ZFYVE9: variants seen among roughly 807,000 people sequenced by gnomAD.
The protein encoded by ZFYVE9 is zinc finger FYVE-type containing 9.
In ZFYVE9, 43 loss-of-function variants were observed where a neutral mutation model predicts 126.7. The ratio of observed to expected loss-of-function variants is 0.34; its 90% CI spans 0.27 to 0.44. The LOEUF (loss-of-function observed/expected upper bound fraction) is 0.44. ZFYVE9 is among the 20% of genes least tolerant of loss of function. The probability of loss-of-function intolerance (pLI) is 1.00; values close to 1 mark genes in which losing one functional copy is unlikely to be tolerated. For synonymous variants in ZFYVE9, 521 were observed against 597.4 expected (o/e 0.87, Z 1.87); for missense variants, 1,476 against 1,697.0 (o/e 0.87, Z 2.29).
At chr1:52,203,326 C>G (rs1241027769) in intron 1 of ZFYVE9, among the ~76,000 whole-genome samples, 2 of 151,956 alleles carry the variant, frequency 1.3e-5, no homozygotes, top group Non-Finnish European at 2.9e-5. Context: ...GGATTACAGG[C>G]TTGCGCCACT....
chr1:52,252,148 C>T (rs181086358), intron 4 of ZFYVE9: 74 of 159,188 alleles, frequency 4.6e-4, no homozygotes, highest in South Asian at 2.7e-3. Context: ...GATTTAAGAG[C>T]ATCATTTGTC....
At chr1:52,190,590 A>G (rs1001396978) in intron 1 of ZFYVE9, among the ~76,000 whole-genome samples, 3 of 152,214 alleles carry the variant, frequency 2.0e-5, no homozygotes, top group South Asian at 2.1e-4. Flanking sequence ...AGTTTCATCA[A>G]TAGTAGATTG....
intron 4 of ZFYVE9, among the ~76,000 whole-genome samples, chr1:52,250,407 T>G (rs897834482): frequency 6.6e-6 from 1 of 152,196 alleles, no homozygotes; most frequent in Admixed American, 6.5e-5. Context: ...CTTGATTTCA[T>G]TTTTGGATAA....
intron 10 of ZFYVE9, among the ~76,000 whole-genome samples, chr1:52,288,676 T>A (rs1453477936): frequency 2.6e-5 from 4 of 152,082 alleles, no homozygotes; most frequent in African/African-American, 9.7e-5. Context: ...ATCCCAACAC[T>A]TTGGGAAGCC....
chr1:52,290,709 A>G (rs1462269090), intron 10 of ZFYVE9, among the ~76,000 whole-genome samples: 3 of 152,096 alleles, frequency 2.0e-5, no homozygotes, highest in Non-Finnish European at 4.4e-5. Flanking sequence ...AAAAAATGTA[A>G]ATTTACTTAA....
Position 52,180,476 on chromosome 1 carries a change from G to A in ZFYVE9, c.-142-35893G>A, listed in dbSNP as rs77541571. On this transcript the variant is annotated intron_variant, in intron 1 of 18. Transcript: ENST00000287727. Reference sequence around the variant, plus strand: ...GGGACCTGGAGGAAAACCCTAAGAAGCCAGTTGAAGATGTATTGCTGTCCT... The same window carrying A: ...GGGACCTGGAGGAAAACCCTAAGAAACCAGTTGAAGATGTATTGCTGTCCT... 871 of 994,328 alleles carry A rather than the reference G, an allele frequency of 8.8e-4. 2 individuals carry two copies. In the African/African-American group the frequency reaches 0.013, roughly 14 times the overall value. 61.6% of individuals were successfully genotyped at this position (994,328 alleles called of 1,614,324 possible).
chr1:52,253,195 C>T (rs554808124), intron 4 of ZFYVE9, among the ~76,000 whole-genome samples: 76 of 152,212 alleles, frequency 5.0e-4, no homozygotes, highest in African/African-American at 1.8e-3. Flanking sequence ...TGTTGTATAT[C>T]GAGTCTTAAA....
rs1645302076 is a variant in ZFYVE9, at chr1:52,238,711, A to G, written c.1294A>G (p.Asn432Asp). 4.3e-6 allele frequency: 7 copies of G among 1,614,000 alleles called. No homozygotes were observed. The highest frequency in any genetic ancestry group is 5.9e-6 in the Non-Finnish European group (7 of 1,179,970). The change falls in exon 4 of 19, where the codon AAT (asparagine) becomes GAT (aspartate). Residue 432 changes from asparagine (N) to aspartate (D), a missense_variant. Transcript: ENST00000287727. ...FLQISQPEDT[N>D]GDSGGQCVGL... ...ACAGATTAGTCAGCCTGAGGACACTAATGGTGATAGTGGAGGACAGTGTGT... is the reference window on the plus strand; with the variant it reads ...ACAGATTAGTCAGCCTGAGGACACTGATGGTGATAGTGGAGGACAGTGTGT...
intron 2 of ZFYVE9, among the ~76,000 whole-genome samples, chr1:52,228,853 T>G (rs1645192925): frequency 6.6e-6 from 1 of 152,148 alleles, no homozygotes; most frequent in South Asian, 2.1e-4. Flanking sequence ...ACTTGGTTAT[T>G]TAATATTTTG....
At chr1:52,260,286 T>C (rs1037521717) in intron 4 of ZFYVE9, among the ~76,000 whole-genome samples, 29 of 152,204 alleles carry the variant, frequency 1.9e-4, no homozygotes, top group Admixed American at 1.3e-3. Flanking sequence ...GTATTTACTA[T>C]ATCTGTTGGC....
chr1:52,230,708 A>G (rs1337118753), intron 2 of ZFYVE9, among the ~76,000 whole-genome samples: 2 of 152,100 alleles, frequency 1.3e-5, no homozygotes, highest in African/African-American at 4.8e-5. Context: ...GGGGGTTCAC[A>G]TAACACTTGC....
chr1:52,165,765 C>A (rs1377154388), intron 1 of ZFYVE9, among the ~76,000 whole-genome samples: 1 of 150,048 alleles, frequency 6.7e-6, no homozygotes, highest in Non-Finnish European at 1.5e-5. Context: ...AGGTTCAATT[C>A]AATAGTGATC....
Position 52,269,712 on chromosome 1 carries a change from C to A in ZFYVE9, c.2625+1080C>A, listed in dbSNP as rs543228981. Among the ~76,000 whole-genome samples, 7 of 152,030 alleles carry A rather than the reference C, an allele frequency of 4.6e-5. No individual in the cohort carries two copies. In the South Asian group the frequency reaches 1.5e-3, roughly 32 times the overall value. ...GGTGACAGCCAGAACTGTGTCTTAT[C>A]CTTCTTTGTATCTCCACAGTGACTT... On this transcript the variant is annotated intron_variant, in intron 7 of 18. Coordinates refer to ENST00000287727, the MANE Select transcript of ZFYVE9 (RefSeq NM_004799.4).
chr1:52,206,162 G>A (rs1644976059), intron 1 of ZFYVE9, among the ~76,000 whole-genome samples: 1 of 152,200 alleles, frequency 6.6e-6, no homozygotes. Context: ...GGCAGCTATT[G>A]TAGCTGTATC....
chr1:52,191,449 C>T (rs1644815886), intron 1 of ZFYVE9, among the ~76,000 whole-genome samples: 1 of 152,146 alleles, frequency 6.6e-6, no homozygotes, highest in African/African-American at 2.4e-5. Flanking sequence ...GACACTTGCC[C>T]TCATGAAGTG....
At chr1:52,180,122 G>A in intron 1 of ZFYVE9, 2 of 1,006,000 alleles carry the variant, frequency 2.0e-6, no homozygotes, top group Admixed American at 1.7e-5. Flanking sequence ...AAGTTTTGGA[G>A]ATCTCAGGGA....
intron 1 of ZFYVE9, among the ~76,000 whole-genome samples, chr1:52,182,475 T>A (rs1223927921): frequency 3.3e-5 from 5 of 152,130 alleles, no homozygotes; most frequent in Admixed American, 3.3e-4. Flanking sequence ...CTCTGAAACA[T>A]GTGCTGTGTC....
intron 13 of ZFYVE9, among the ~76,000 whole-genome samples, chr1:52,322,544 A>C (rs1380061813): frequency 1.3e-5 from 2 of 150,212 alleles, no homozygotes; most frequent in African/African-American, 2.5e-5. Context: ...TGCCCGGCTA[A>C]TTTTTGTGTT....
rs1303977935 is a variant in ZFYVE9, at chr1:52,233,171, G to T, written c.-36G>T. ...AATGTAATACGCATTTACTTTTTAGGTTTAAACAAGTCTCTTAAGTGGTGT... is the reference window on the plus strand; with the variant it reads ...AATGTAATACGCATTTACTTTTTAGTTTTAAACAAGTCTCTTAAGTGGTGT... On this transcript the variant is annotated splice_region_variant and 5_prime_UTR_variant, in exon 3 of 19. Coordinates refer to ENST00000287727, the MANE Select transcript of ZFYVE9 (RefSeq NM_004799.4). 2 of 1,459,114 alleles carry T rather than the reference G, an allele frequency of 1.4e-6. No individual in the cohort carries two copies. Among genetic ancestry groups the T allele is most frequent in the Admixed American group, 2.1e-5 (1 of 47,432 alleles). 90.4% of individuals were successfully genotyped at this position (1,459,114 alleles called of 1,614,324 possible).
Sources: allele counts gnomAD v4.1 joint callset (sites outside exome capture counted in the v4.1 genomes callset), GRCh38; gene constraint gnomAD v4.1.1; transcripts MANE v1.5; gene names NCBI Gene and HGNC (gene_info 2026-07-23, HGNC 2026-07-21).